The following SLC14A2 variants were observed in gnomAD, a reference collection of about 807,000 sequenced individuals.
SLC14A2 encodes urea transporter 2.
In SLC14A2, 91 loss-of-function variants were observed where a neutral mutation model predicts 104.6. The observed-to-expected ratio is 0.87, with a 90% confidence interval of 0.73 to 1.04. The LOEUF (loss-of-function observed/expected upper bound fraction) is 1.04, where lower values mean the gene tolerates loss of function less well. SLC14A2 is among the 50% of genes least tolerant of loss of function. The pLI is 0.00. For missense variants in SLC14A2, 1,189 were observed against 1,156.0 expected, an observed-to-expected ratio of 1.03 and a Z score of -0.41; for synonymous variants, 476 against 466.4, an observed-to-expected ratio of 1.02 and a Z score of -0.27.
chr18:45,184,564 T>C, the SLC14A2 span, among the ~76,000 whole-genome samples: 5 of 152,202 alleles, frequency 3.3e-5, no homozygotes, highest in Non-Finnish European at 5.9e-5. Flanking sequence ...ATGAACCATG[T>C]TAATTTAAAA....
At chr18:45,505,530 G>A (rs954132893) in intron 2 of SLC14A2, among the ~76,000 whole-genome samples, 1 of 152,118 alleles carries the variant, frequency 6.6e-6, no homozygotes, top group Non-Finnish European at 1.5e-5. Context: ...ACAACTTTCT[G>A]AGTTTTCCCT....
chr18:45,606,345 GAAA>G (rs1410199337), intron 2 of SLC14A2, among the ~76,000 whole-genome samples: 1 of 152,126 alleles, frequency 6.6e-6, no homozygotes, highest in South Asian at 2.1e-4. Context: ...ATTTTAAGCA[GAAA>G]AAGATTTAAT....
chr18:45,560,575 C>CCCCTTGCA (rs1312196770), intron 2 of SLC14A2, among the ~76,000 whole-genome samples: 75 of 152,290 alleles, frequency 4.9e-4, no homozygotes, highest in African/African-American at 1.6e-3. Context: ...GACAAACAAT[C>CCCCTTGCA]CCCTTGCATT....
intron 1 of SLC14A2, among the ~76,000 whole-genome samples, chr18:45,308,423 C>T (rs982200890): frequency 6.6e-6 from 1 of 152,176 alleles, no homozygotes; most frequent in Non-Finnish European, 1.5e-5. Context: ...TTATATCATA[C>T]TGAATAGTGA....
At chr18:45,267,092 C>T (rs747511661) in intron 1 of SLC14A2, among the ~76,000 whole-genome samples, 16 of 152,244 alleles carry the variant, frequency 1.1e-4, no homozygotes, top group South Asian at 2.1e-4. Flanking sequence ...TGTTTAGGAA[C>T]ATTTAGTGTT....
chr18:45,269,234 C>A (rs910947355), intron 1 of SLC14A2, among the ~76,000 whole-genome samples: 2 of 152,040 alleles, frequency 1.3e-5, no homozygotes, highest in African/African-American at 4.8e-5. Context: ...TAGGAAGATT[C>A]TTCTCACGTG....
At chr18:45,675,697 ATATATATATATATTT>A (rs1218435723) in intron 18 of SLC14A2, among the ~76,000 whole-genome samples, 4 of 60,420 alleles carry the variant, frequency 6.6e-5, no homozygotes, top group Non-Finnish European at 1.3e-4. Context: ...ATATATATAT[ATATATATATATATTT>A]TTTTTTTTTT....
At chr18:45,644,259 C>A in intron 10 of SLC14A2, 99 bp downstream of exon 10, 2 of 1,208,284 alleles carry the variant, frequency 1.7e-6, no homozygotes, top group Non-Finnish European at 2.4e-6. Flanking sequence ...CACTCACCTT[C>A]TTTGCCTCTC....
At chr18:45,593,765 C>T (rs1385712530) in intron 2 of SLC14A2, among the ~76,000 whole-genome samples, 2 of 152,104 alleles carry the variant, frequency 1.3e-5, no homozygotes, top group African/African-American at 4.8e-5. Flanking sequence ...CTGGAACCAC[C>T]AGTGTGAGCC....
chr18:45,271,468 G>A (rs1277377922), intron 1 of SLC14A2, among the ~76,000 whole-genome samples: 1 of 152,134 alleles, frequency 6.6e-6, no homozygotes, highest in East Asian at 1.9e-4. Context: ...CAGCTGGAAA[G>A]CAACTTTAAA....
chr18:45,334,527 A>G (rs1217975036), intron 1 of SLC14A2, among the ~76,000 whole-genome samples: 1 of 152,184 alleles, frequency 6.6e-6, no homozygotes, highest in Admixed American at 6.5e-5. Flanking sequence ...CTTTTGTCAC[A>G]ATAACGTATA....
At chr18:45,358,407 C>T (rs2085576687) in intron 1 of SLC14A2, among the ~76,000 whole-genome samples, 1 of 152,132 alleles carries the variant, frequency 6.6e-6, no homozygotes. Context: ...ACTCCCTGCT[C>T]CTATAGGCCA....
chr18:45,348,684 C>T (rs1379385969), intron 1 of SLC14A2, among the ~76,000 whole-genome samples: 1 of 152,166 alleles, frequency 6.6e-6, no homozygotes, highest in Non-Finnish European at 1.5e-5. Context: ...GTGCCATATC[C>T]AATCTTGGAT....
chr18:45,602,280 G>A (rs1222625496), intron 2 of SLC14A2, among the ~76,000 whole-genome samples: 3 of 152,182 alleles, frequency 2.0e-5, no homozygotes, highest in Admixed American at 1.3e-4. Context: ...ATCTCTCTTG[G>A]AGAGGGTTAG....
chr18:45,438,226 C>T (rs1374851852), intron 1 of SLC14A2: 1 of 152,154 alleles, frequency 6.6e-6, no homozygotes, highest in East Asian at 1.9e-4. Context: ...ACAAATCATT[C>T]CCCTGAGAGC....
At chr18:45,216,917 C>T (rs1258249620) in intron 1 of SLC14A2, among the ~76,000 whole-genome samples, 1 of 152,156 alleles carries the variant, frequency 6.6e-6, no homozygotes, top group East Asian at 1.9e-4. Context: ...TCTCCTCTTC[C>T]TATCTGGTGA....
rs149596806 is a variant in SLC14A2 at position 45,341,789 on chromosome 18, T to C, written c.-125+128598T>C. Among the ~76,000 whole-genome samples the C allele has an allele frequency of 2.3e-3, 346 of 152,014 alleles. 4 individuals are homozygous for C. Among genetic ancestry groups the C allele is most frequent in the Admixed American group, 0.02 (303 of 15,246 alleles). On this transcript the variant is annotated intron_variant, in intron 1 of 20. Transcript: ENST00000586448. ...TTTTTAATAAAGACAGGTTTCACCA[T>C]GTTGGCCAGACTGATCTCAAACTCC...
At chr18:45,561,083 T>C (rs1466201850) in intron 2 of SLC14A2, among the ~76,000 whole-genome samples, 1 of 152,116 alleles carries the variant, frequency 6.6e-6, no homozygotes, top group Non-Finnish European at 1.5e-5. Flanking sequence ...ATAAGATTTC[T>C]GAGGACTGGA....
chr18:45,507,935 C>A (rs942634653), intron 2 of SLC14A2, among the ~76,000 whole-genome samples: 1 of 152,194 alleles, frequency 6.6e-6, no homozygotes, highest in African/African-American at 2.4e-5. Context: ...CAATCTGGGG[C>A]CATCTGGCAA....
Sources: gnomAD v4.1 joint callset for allele counts (sites outside exome capture counted in the v4.1 genomes callset) on GRCh38, gnomAD v4.1.1 for gene constraint, MANE v1.5 for transcripts, NCBI Gene and HGNC (gene_info 2026-07-23, HGNC 2026-07-21) for gene names.